LRBA: variants seen among roughly 807,000 people sequenced by gnomAD.
The protein encoded by LRBA is LPS responsive beige-like anchor protein.
In LRBA, 176 loss-of-function variants were observed where a neutral mutation model predicts 330.0. That is an observed-to-expected ratio of 0.53 (90% CI 0.47 to 0.60). The LOEUF is 0.60. LRBA is among the 20% of genes least tolerant of loss of function. The probability of loss-of-function intolerance (pLI) is 0.00; values close to 1 mark genes in which losing one functional copy is unlikely to be tolerated. For synonymous variants in LRBA, 1,230 were observed against 1,193.0 expected (o/e 1.03, Z -0.64); for missense variants, 3,259 against 3,444.8 (o/e 0.95, Z 1.35).
At chr4:150,535,332 C>A (rs1319169093) in intron 40 of LRBA, among the ~76,000 whole-genome samples, 1 of 152,048 alleles carries the variant, frequency 6.6e-6, no homozygotes, top group African/African-American at 2.4e-5. Context: ...AAGATGGGGT[C>A]TCACTATGTT....
intron 37 of LRBA, among the ~76,000 whole-genome samples, chr4:150,680,087 G>A (rs1782921101): frequency 1.3e-5 from 2 of 152,076 alleles, no homozygotes; most frequent in South Asian, 4.1e-4. Context: ...CCATGCACCG[G>A]AAAAAAATTA....
At chr4:150,767,173 T>A (rs1238786277) in intron 34 of LRBA, among the ~76,000 whole-genome samples, 1 of 152,136 alleles carries the variant, frequency 6.6e-6, no homozygotes, top group Non-Finnish European at 1.5e-5. Flanking sequence ...AAGATACCAA[T>A]TAACACACTA....
At chr4:150,725,620 A>G (rs896298045) in intron 36 of LRBA, among the ~76,000 whole-genome samples, 9 of 152,226 alleles carry the variant, frequency 5.9e-5, no homozygotes, top group African/African-American at 2.2e-4. Flanking sequence ...AAGGATGTTC[A>G]TGAGCAAGAA....
intron 46 of LRBA, among the ~76,000 whole-genome samples, chr4:150,430,349 CAA>C (rs1369214375): frequency 6.6e-6 from 1 of 152,150 alleles, no homozygotes. Context: ...TTCTTTGCTT[CAA>C]ACTCTCCCAA....
rs185526024 is a variant in LRBA, at chr4:150,383,719, G to A, written c.7194+31719C>T. On this transcript the variant is annotated intron_variant, in intron 47 of 56. Coordinates refer to ENST00000651943, the MANE Select transcript of LRBA (RefSeq NM_001364905.1). ...TATATAAAAGACCAAGAGCATCACT[G>A]TTGTGTCCCCAGTGCTTGTAGTACT... Among the ~76,000 whole-genome samples the A allele has an allele frequency of 4.9e-4, 75 of 152,282 alleles. 1 individual carries two copies. Among genetic ancestry groups the A allele is most frequent in the Admixed American group, 2.7e-3 (42 of 15,302 alleles).
At chr4:150,696,407 T>C (rs1394910385) in intron 36 of LRBA, among the ~76,000 whole-genome samples, 1 of 152,156 alleles carries the variant, frequency 6.6e-6, no homozygotes, top group Non-Finnish European at 1.5e-5. Flanking sequence ...AAGCAAGTTA[T>C]TTGAAACCCT....
At chr4:150,690,224 C>T (rs1783994547) in intron 36 of LRBA, among the ~76,000 whole-genome samples, 1 of 151,984 alleles carries the variant, frequency 6.6e-6, no homozygotes, top group Non-Finnish European at 1.5e-5. Context: ...AGAAGGTAGG[C>T]CGGGCGCTGT....
intron 47 of LRBA, among the ~76,000 whole-genome samples, chr4:150,359,840 C>T (rs185282571): frequency 1.4e-4 from 22 of 151,800 alleles, no homozygotes; most frequent in Admixed American, 1.1e-3. Flanking sequence ...ATTAGCTGGG[C>T]GTGGTGGCGC....
intron 44 of LRBA, among the ~76,000 whole-genome samples, chr4:150,465,866 T>A (rs564642142): frequency 6.6e-6 from 1 of 152,048 alleles, no homozygotes; most frequent in Non-Finnish European, 1.5e-5. Context: ...GCACAAGAGA[T>A]ACAGAAATTA....
chr4:150,906,051 C>A, intron 12 of LRBA, 61 bp from the exon 13 acceptor site: 2 of 1,433,466 alleles, frequency 1.4e-6, no homozygotes, highest in Non-Finnish European at 1.9e-6. Context: ...GAATTACAGG[C>A]TGTCCCTACC....
chr4:150,739,513 T>G (rs1731657401), intron 35 of LRBA, among the ~76,000 whole-genome samples: 1 of 152,192 alleles, frequency 6.6e-6, no homozygotes, highest in Non-Finnish European at 1.5e-5. Context: ...CTGACTTTCC[T>G]AACCTCCTGG....
intron 2 of LRBA, among the ~76,000 whole-genome samples, chr4:150,977,603 C>G (rs1195203604): frequency 6.6e-6 from 1 of 152,072 alleles, no homozygotes; most frequent in Non-Finnish European, 1.5e-5. Flanking sequence ...TCCTGAGATC[C>G]CCGATTCTAG....
intron 28 of LRBA, among the ~76,000 whole-genome samples, chr4:150,843,805 A>C (rs1749449647): frequency 1.3e-5 from 2 of 152,220 alleles, no homozygotes. Context: ...TTACAATAGT[A>C]CAGCTCAATA....
chr4:150,326,533 T>G (rs931029995), intron 48 of LRBA, among the ~76,000 whole-genome samples: 12 of 152,328 alleles, frequency 7.9e-5, no homozygotes, highest in African/African-American at 2.4e-4. Context: ...CGTGTGCTTT[T>G]GCAAGGCACT....
chr4:150,989,694 C>T (rs955661214), intron 2 of LRBA, among the ~76,000 whole-genome samples: 2 of 151,960 alleles, frequency 1.3e-5, no homozygotes, highest in African/African-American at 2.4e-5. Flanking sequence ...ACTTAATCTT[C>T]CTCAAGATCA....
At chr4:150,541,767 G>A (rs748210918) in intron 40 of LRBA, among the ~76,000 whole-genome samples, 9 of 152,012 alleles carry the variant, frequency 5.9e-5, no homozygotes, top group African/African-American at 1.4e-4. Context: ...CTCATAGCTC[G>A]CTGCAGCCTT....
chr4:150,277,875 TG>T lies in LRBA; in HGVS notation c.8445del (p.Met2816TrpfsTer50). 6.2e-7 allele frequency: 1 copy of T among 1,614,120 alleles called. No homozygotes were observed. The highest frequency in any genetic ancestry group is 8.5e-7 in the Non-Finnish European group (1 of 1,179,998). On this transcript the variant is annotated frameshift_variant, in exon 56 of 57. Coordinates refer to ENST00000651943, the MANE Select transcript of LRBA (RefSeq NM_001364905.1). LOFTEE classifies it high-confidence loss of function. ...TACCTCTGGTCGTAAGACAGCGCCA[TG>T]GCCCGGATTCCAGCGTCACATCCTG... ...AYPGCDAGIR[A>X]MALSYDQRCI...
At chr4:150,708,577 T>C (rs1785867265) in intron 36 of LRBA, among the ~76,000 whole-genome samples, 1 of 151,888 alleles carries the variant, frequency 6.6e-6, no homozygotes, top group Non-Finnish European at 1.5e-5. Flanking sequence ...TCAATTTGTT[T>C]ATACTGTTGC....
chr4:150,932,662 T>C (rs1734639442), intron 2 of LRBA, among the ~76,000 whole-genome samples: 1 of 152,126 alleles, frequency 6.6e-6, no homozygotes, highest in South Asian at 2.1e-4. Flanking sequence ...ACACCTGTAA[T>C]CCCGGGACTT....
Sources: gnomAD v4.1 joint callset for allele counts (sites outside exome capture counted in the v4.1 genomes callset) on GRCh38, gnomAD v4.1.1 for gene constraint, MANE v1.5 for transcripts, NCBI Gene and HGNC (gene_info 2026-07-23, HGNC 2026-07-21) for gene names.